ACSL1: variants seen among roughly 807,000 people sequenced by gnomAD.
ACSL1 encodes long-chain-fatty-acid--CoA ligase 1.
In ACSL1, 41 loss-of-function variants were observed where a neutral mutation model predicts 98.4. The ratio of observed to expected loss-of-function variants is 0.42; its 90% CI spans 0.32 to 0.54. The LOEUF is 0.54. Among genes scored for constraint, ACSL1 ranks in the 20% least tolerant of loss-of-function variants. The pLI is 0.13. For synonymous variants in ACSL1, 316 were observed against 322.7 expected (o/e 0.98, Z 0.22); for missense variants, 734 against 883.1 (o/e 0.83, Z 2.14).
chr4:184,771,649 G>T (rs2150314391), intron 10 of ACSL1, among the ~76,000 whole-genome samples: 1 of 152,274 alleles, frequency 6.6e-6, no homozygotes, highest in Admixed American at 6.5e-5. Context: ...TTAACATAAA[G>T]AATTCTGGCC....
At chr4:184,816,047 G>C (rs1010179340) in intron 1 of ACSL1, among the ~76,000 whole-genome samples, 15 of 152,024 alleles carry the variant, frequency 9.9e-5, no homozygotes, top group Non-Finnish European at 8.8e-5. Context: ...TTGAACCTGT[G>C]GGGGGCGCAG....
intron 4 of ACSL1, 78 bp from the exon 5 acceptor site, chr4:184,780,511 T>C (rs1766072140): frequency 3.9e-6 from 4 of 1,014,986 alleles, no homozygotes; most frequent in Non-Finnish European, 6.0e-6. Flanking sequence ...GGCAGGCTTG[T>C]ATCTCAGCCA....
chr4:184,801,622 ACTT>A (rs1183801973), intron 2 of ACSL1, among the ~76,000 whole-genome samples: 9 of 152,156 alleles, frequency 5.9e-5, no homozygotes, highest in Admixed American at 2.6e-4. Context: ...TAAACTTTTA[ACTT>A]CTTTTTTAAA....
intron 1 of ACSL1, among the ~76,000 whole-genome samples, chr4:184,807,651 G>A (rs767504594): frequency 1.2e-4 from 18 of 152,192 alleles, no homozygotes; most frequent in Non-Finnish European, 2.4e-4. Context: ...CGGACTGTCA[G>A]AAACCAAAAT....
In ACSL1 at chr4:184,782,628, T is replaced by C. The variant is rs566757244; in HGVS notation, c.375+1299A>G. On this transcript the variant is annotated intron_variant, in intron 4 of 20. Transcript: ENST00000281455. ...TTACACTTGTGAAAATGAGGGATCC[T>C]GGAAACTACTATTTGTGCAAGAAAC... 1.5e-4 allele frequency among the ~76,000 whole-genome samples: 23 copies of C among 152,312 alleles called. No homozygotes were observed. In the South Asian group the frequency reaches 4.6e-3, roughly 30 times the overall value.
In ACSL1 at chr4:184,766,930, C is replaced by A. The variant is rs1202583378; in HGVS notation, c.1129-174G>T. Among the ~76,000 whole-genome samples the A allele has an allele frequency of 6.6e-6, 1 of 152,202 alleles. No homozygotes were observed. The highest frequency in any genetic ancestry group is 2.4e-5 in the African/African-American group (1 of 41,456). ...CATGGTCAGCACAGGACAGCAATTC[C>A]ACACCTCGGTATACACCCAGGAGCA... On this transcript the variant is annotated intron_variant, in intron 12 of 20. Coordinates refer to ENST00000281455, the MANE Select transcript of ACSL1 (RefSeq NM_001995.5). The surrounding 1 kb of genome is among the most constrained non-coding windows in gnomAD (Gnocchi z 4.8).
In ACSL1 at chr4:184,768,333, T is replaced by A; in HGVS notation, c.1111A>T (p.Asn371Tyr). 1 of 1,612,846 alleles carries A rather than the reference T, an allele frequency of 6.2e-7. No individual in the cohort carries two copies. The highest frequency in any genetic ancestry group is 8.5e-7 in the Non-Finnish European group (1 of 1,179,716). Residue 371 changes from asparagine to tyrosine, a missense_variant, in exon 12 of 21, where the codon AAC (asparagine) becomes TAC (tyrosine). By Grantham distance (143) the Asn-to-Tyr change is moderately radical. Transcript: ENST00000281455. ...TVFPVVPRLL[N>Y]RMFDRIFGQA... ...GAACTTACTCGGTCAAACATCCGGT[T>A]CAGCAGTCTTGGAACCACGGGGAAG...
intron 10 of ACSL1, among the ~76,000 whole-genome samples, chr4:184,772,208 T>C (rs1296563556): frequency 2.0e-5 from 3 of 152,218 alleles, no homozygotes; most frequent in Non-Finnish European, 2.9e-5. Context: ...TGTTGAACTC[T>C]GTTTAGAAAG....
At chr4:184,805,254 C>T (rs1385987910) in intron 1 of ACSL1, among the ~76,000 whole-genome samples, 2 of 152,076 alleles carry the variant, frequency 1.3e-5, no homozygotes, top group Non-Finnish European at 2.9e-5. Context: ...AAATTTTCTG[C>T]TAAAATTTAA....
In ACSL1 at chr4:184,762,389, G is replaced by A; in HGVS notation, c.1638+18C>T. ...AGTGGAACTGAACTGTTTGTGACCTGAGGAGGCGGCAACTTACTGGTAACC... is the reference window on the plus strand; with the variant it reads ...AGTGGAACTGAACTGTTTGTGACCTAAGGAGGCGGCAACTTACTGGTAACC... On this transcript the variant is annotated intron_variant, in intron 17 of 20. Coordinates refer to ENST00000281455, the MANE Select transcript of ACSL1 (RefSeq NM_001995.5). 3.8e-6 allele frequency: 6 copies of A among 1,588,088 alleles called. No individual in the cohort carries two copies. The highest frequency in any genetic ancestry group is 5.2e-6 in the Non-Finnish European group (6 of 1,156,282).
intron 14 of ACSL1, 68 bp from the exon 15 acceptor site, chr4:184,764,993 C>A: frequency 6.7e-7 from 1 of 1,493,492 alleles, no homozygotes; most frequent in South Asian, 1.2e-5. Context: ...AGTGCACAAG[C>A]AATGAAGTCT....
chr4:184,774,200 C>T (rs1764932918), intron 7 of ACSL1, among the ~76,000 whole-genome samples: 2 of 152,100 alleles, frequency 1.3e-5, no homozygotes, highest in Admixed American at 1.3e-4. Flanking sequence ...GTCCCCACTT[C>T]CACTTCTTAT....
chr4:184,805,547 G>A (rs1771294765), intron 1 of ACSL1: 2 of 985,106 alleles, frequency 2.0e-6, no homozygotes, highest in African/African-American at 3.5e-5. Flanking sequence ...ACCAACAGCT[G>A]ACTACTAGGT....
In ACSL1 at chr4:184,773,834, T is replaced by C. The variant is rs761032194; in HGVS notation, c.789+9A>G. ...GAGGACAGAGCAGGGTCTGACACGGTGTGCTTACCTTGGGCTTCCGTCTGT... is the reference window on the plus strand; with the variant it reads ...GAGGACAGAGCAGGGTCTGACACGGCGTGCTTACCTTGGGCTTCCGTCTGT... On this transcript the variant is annotated intron_variant, in intron 8 of 20. Transcript: ENST00000281455. This position sits in a 1 kb window ranked among gnomAD's most constrained non-coding sequence, Gnocchi z 4.3. 3.1e-6 allele frequency: 5 copies of C among 1,613,852 alleles called. No individual in the cohort carries two copies. Among genetic ancestry groups the C allele is most frequent in the Admixed American group, 3.3e-5 (2 of 60,000 alleles).
intron 4 of ACSL1, among the ~76,000 whole-genome samples, chr4:184,783,611 G>C (rs1036745391): frequency 3.9e-5 from 6 of 152,234 alleles, no homozygotes; most frequent in Admixed American, 3.9e-4. Context: ...TACCCCTCAA[G>C]TGGAGAGAAA....
chr4:184,781,963 A>G (rs1766345238), intron 4 of ACSL1, among the ~76,000 whole-genome samples: 1 of 152,126 alleles, frequency 6.6e-6, no homozygotes, highest in Non-Finnish European at 1.5e-5. Context: ...AGTACTCTTA[A>G]AGCACACCCA....
intron 2 of ACSL1, chr4:184,798,860 G>A (rs921970837): frequency 6.6e-6 from 1 of 152,328 alleles, no homozygotes; most frequent in African/African-American, 2.4e-5. Context: ...GGAGCAGCAG[G>A]TCTTGCACAC....
At chr4:184,812,147 G>A (rs776116274) in intron 1 of ACSL1, 11 of 979,554 alleles carry the variant, frequency 1.1e-5, no homozygotes, top group Non-Finnish European at 1.2e-5. Flanking sequence ...AGCACCTCCT[G>A]TCTTACACTT....
chr4:184,805,864 C>G (rs1009767740), intron 1 of ACSL1: 1 of 152,224 alleles, frequency 6.6e-6, no homozygotes, highest in African/African-American at 2.4e-5. Flanking sequence ...AAAACAGACA[C>G]TGTTTTCTTT....
Sources: allele counts gnomAD v4.1 joint callset (sites outside exome capture counted in the v4.1 genomes callset), GRCh38; gene constraint gnomAD v4.1.1; non-coding constraint Gnocchi (gnomAD v3.1); transcripts MANE v1.5; gene names NCBI Gene and HGNC (gene_info 2026-07-23, HGNC 2026-07-21).